The following COG5 variants were observed in gnomAD, a reference collection of about 807,000 sequenced individuals.
The protein encoded by COG5 is component of oligomeric golgi complex 5, also known as conserved oligomeric Golgi complex subunit 5.
In COG5, 86 loss-of-function variants were observed where a neutral mutation model predicts 110.4. The observed-to-expected ratio is 0.78, with a 90% CI of 0.65 to 0.93. The LOEUF (loss-of-function observed/expected upper bound fraction) is 0.93, where lower values mean the gene tolerates loss of function less well. COG5 is among the 40% of genes least tolerant of loss of function. The pLI, the probability that COG5 is intolerant of heterozygous loss-of-function variation, is 0.00. For synonymous variants in COG5, 360 were observed against 334.6 expected, an observed-to-expected ratio of 1.08 and a Z score of -0.83; for missense variants, 1,077 against 987.0, an observed-to-expected ratio of 1.09 and a Z score of -1.22.
At chr7:107,521,536 A>G (rs1800319362) in intron 6 of COG5, among the ~76,000 whole-genome samples, 1 of 152,284 alleles carries the variant, frequency 6.6e-6, no homozygotes, top group Admixed American at 6.5e-5. Context: ...AAACATTTTA[A>G]AAAGCTTAAC....
At chr7:107,207,892 C>T in intron 21 of COG5, 1 of 985,400 alleles carries the variant, frequency 1.0e-6, no homozygotes, top group Non-Finnish European at 1.2e-6. Flanking sequence ...GTTACACTAT[C>T]CTCAATTTGC....
At chr7:107,306,259 AAG>A (rs1326846700) in intron 11 of COG5, among the ~76,000 whole-genome samples, 1 of 152,204 alleles carries the variant, frequency 6.6e-6, no homozygotes, top group African/African-American at 2.4e-5. Flanking sequence ...GACATACAAT[AAG>A]AGTACCAGAA....
intron 6 of COG5, among the ~76,000 whole-genome samples, chr7:107,455,545 G>C (rs1034737034): frequency 2.0e-4 from 31 of 152,054 alleles, no homozygotes; most frequent in Non-Finnish European, 7.4e-5. Context: ...AGAAAACAAA[G>C]AATATGTGAC....
intron 10 of COG5, among the ~76,000 whole-genome samples, chr7:107,346,189 T>C (rs1811583272): frequency 1.3e-5 from 2 of 152,236 alleles, no homozygotes; most frequent in South Asian, 4.1e-4. Context: ...TACATTTTTA[T>C]ACATCAAGAA....
At chr7:107,233,942 A>G (rs1317970475) in intron 18 of COG5, among the ~76,000 whole-genome samples, 2 of 152,230 alleles carry the variant, frequency 1.3e-5, no homozygotes, top group African/African-American at 4.8e-5. Context: ...TAAAACCTTG[A>G]AATTTTAATT....
At chr7:107,440,017 T>C (rs1030091792) in intron 6 of COG5, among the ~76,000 whole-genome samples, 2 of 152,172 alleles carry the variant, frequency 1.3e-5, no homozygotes, top group African/African-American at 4.8e-5. Flanking sequence ...ATTTCTTGAC[T>C]AATATATCAC....
chr7:107,519,969 G>A (rs956529051), intron 6 of COG5, among the ~76,000 whole-genome samples: 5 of 152,262 alleles, frequency 3.3e-5, no homozygotes, highest in South Asian at 2.1e-4. Context: ...CTTCATCCAC[G>A]GGATGCAAGG....
chr7:107,243,823 C>CAATACACAATACAATACAATAA (rs1283082385), intron 17 of COG5, among the ~76,000 whole-genome samples: 1 of 152,212 alleles, frequency 6.6e-6, no homozygotes, highest in Non-Finnish European at 1.5e-5. Flanking sequence ...AACACACTCT[C>CAATACACAATACAATACAATAA]AGACCACAAT....
intron 10 of COG5, among the ~76,000 whole-genome samples, chr7:107,330,465 T>C (rs369835530): frequency 2.6e-5 from 4 of 152,222 alleles, no homozygotes; most frequent in Non-Finnish European, 5.9e-5. Flanking sequence ...CAGAGAAACT[T>C]AGAATAATTA....
Position 107,556,632 on chromosome 7 carries a change from A to C in COG5, c.234+1344T>G, listed in dbSNP as rs1270080864. On this transcript the variant is annotated intron_variant, in intron 2 of 21. Coordinates refer to ENST00000297135, the MANE Select transcript of COG5 (RefSeq NM_006348.5). The stretch of plus-strand genomic sequence containing the variant: ...AACAACTTACACTGTTCTATTTAAA[A>C]CAGGCCTCGCTTGCCTACCATTATT... Among the ~76,000 whole-genome samples the C allele has an allele frequency of 3.3e-5, 5 of 152,280 alleles. No homozygotes were observed. In the East Asian group the frequency reaches 9.7e-4, roughly 29 times the overall value.
intron 10 of COG5, among the ~76,000 whole-genome samples, chr7:107,341,159 A>T (rs1476023276): frequency 6.6e-6 from 1 of 152,180 alleles, no homozygotes. Flanking sequence ...CCAGGAACTG[A>T]CAAGTGATTA....
intron 7 of COG5, among the ~76,000 whole-genome samples, chr7:107,387,665 G>A (rs190320375): frequency 1.3e-5 from 2 of 152,306 alleles, no homozygotes; most frequent in Admixed American, 6.5e-5. Context: ...TTAAGGAGCA[G>A]TTAAAAACCG....
At chr7:107,321,380 T>G (rs574297617) in intron 11 of COG5, among the ~76,000 whole-genome samples, 1 of 152,278 alleles carries the variant, frequency 6.6e-6, no homozygotes, top group South Asian at 2.1e-4. Context: ...TGTGAATTCA[T>G]CACATATTGA....
At chr7:107,281,493 G>C in intron 13 of COG5, 94 bp from the exon 14 acceptor site, 1 of 907,188 alleles carries the variant, frequency 1.1e-6, no homozygotes, top group South Asian at 1.4e-5. Context: ...TAAGCAATGT[G>C]GTTATTCTTT....
chr7:107,318,015 C>T (rs1021651811), intron 11 of COG5, among the ~76,000 whole-genome samples: 1 of 151,902 alleles, frequency 6.6e-6, no homozygotes, highest in Non-Finnish European at 1.5e-5. Flanking sequence ...ATGCTAATGG[C>T]TTTTTTCTTT....
intron 5 of COG5, among the ~76,000 whole-genome samples, chr7:107,533,785 G>GC (rs1446174921): frequency 2.6e-5 from 4 of 151,488 alleles, no homozygotes; most frequent in Non-Finnish European, 5.9e-5. Flanking sequence ...AGCAAGACAG[G>GC]CCAACATTCA....
At chr7:107,489,087 G>T (rs1286364856) in intron 6 of COG5, among the ~76,000 whole-genome samples, 1 of 151,986 alleles carries the variant, frequency 6.6e-6, no homozygotes, top group Non-Finnish European at 1.5e-5. Context: ...AAACTATAGA[G>T]GTGATAATTC....
At chr7:107,404,632 T>A (rs545353309) in intron 7 of COG5, among the ~76,000 whole-genome samples, 4 of 151,874 alleles carry the variant, frequency 2.6e-5, no homozygotes, top group Non-Finnish European at 4.4e-5. Context: ...AGAGAACATA[T>A]GAGGAGAGTA....
rs370035414 is a variant in COG5, at chr7:107,283,533, G to A, written c.1475+38C>T. On this transcript the variant is annotated intron_variant, in intron 13 of 21. Transcript: ENST00000297135. ...TCATATATCACTAACAAATATGGCA[G>A]TCATCTTATGGCAAGCCACTATATA... 1.4e-5 allele frequency: 22 copies of A among 1,559,076 alleles called. No homozygotes were observed. The African/African-American group carries it at 2.8e-4, about 20-fold the overall frequency.
Sources: gnomAD v4.1 joint callset for allele counts (sites outside exome capture counted in the v4.1 genomes callset) on GRCh38, gnomAD v4.1.1 for gene constraint, MANE v1.5 for transcripts, NCBI Gene and HGNC (gene_info 2026-07-23, HGNC 2026-07-21) for gene names.